Variants in LINGO2 observed in about 807,000 individuals in gnomAD.
LINGO2 encodes leucine rich repeat and Ig domain containing 2.
LINGO2 carries 14 observed loss-of-function variants against 30.6 expected under a neutral mutation model. The ratio of observed to expected loss-of-function variants is 0.46; its 90% CI spans 0.30 to 0.72. The LOEUF (loss-of-function observed/expected upper bound fraction) is 0.72, where lower values mean the gene tolerates loss of function less well. LINGO2 is among the 30% of genes least tolerant of loss of function. LINGO2 has a pLI of 0.07. For missense variants in LINGO2, 729 were observed against 751.7 expected, an observed-to-expected ratio of 0.97 and a Z score of 0.35; for synonymous variants, 317 against 288.5, an observed-to-expected ratio of 1.10 and a Z score of -1.00.
At chr9:29,152,605 A>C in the LINGO2 span, among the ~76,000 whole-genome samples, 1 of 152,150 alleles carries the variant, frequency 6.6e-6, no homozygotes, top group Admixed American at 6.5e-5. Context: ...CACTGAATAC[A>C]CATGGACATA....
At chr9:28,889,638 T>A in the LINGO2 span, among the ~76,000 whole-genome samples, 1 of 152,072 alleles carries the variant, frequency 6.6e-6, no homozygotes, top group Admixed American at 6.6e-5. Context: ...TATTAATAAC[T>A]GGAATCTTTT....
the LINGO2 span, among the ~76,000 whole-genome samples, chr9:28,904,008 C>A: frequency 2.6e-5 from 4 of 151,994 alleles, no homozygotes; most frequent in Admixed American, 2.0e-4. Context: ...AGGAACATTG[C>A]CGATGATCAA....
the LINGO2 span, among the ~76,000 whole-genome samples, chr9:28,820,813 A>G: frequency 3.9e-5 from 6 of 152,190 alleles, no homozygotes; most frequent in Admixed American, 3.3e-4. Context: ...ATATTCAGTG[A>G]AGGCCAATAA....
chr9:28,716,787 G>C, the LINGO2 span, among the ~76,000 whole-genome samples: 1 of 152,066 alleles, frequency 6.6e-6, no homozygotes, highest in South Asian at 2.1e-4. Flanking sequence ...CTAAGTGTTT[G>C]CTATCAAACT....
chr9:28,222,234 T>C (rs1401495195), intron 4 of LINGO2, among the ~76,000 whole-genome samples: 1 of 152,164 alleles, frequency 6.6e-6, no homozygotes, highest in Non-Finnish European at 1.5e-5. Flanking sequence ...ATGTGGCAAA[T>C]GTGAAGAGGC....
chr9:29,146,301 G>A, the LINGO2 span, among the ~76,000 whole-genome samples: 1 of 151,964 alleles, frequency 6.6e-6, no homozygotes, highest in Non-Finnish European at 1.5e-5. Flanking sequence ...GTTGCAGTGA[G>A]TCGAGATCAC....
At chr9:28,193,146 A>AT (rs535947336) in intron 4 of LINGO2, among the ~76,000 whole-genome samples, 11 of 152,194 alleles carry the variant, frequency 7.2e-5, no homozygotes, top group Admixed American at 5.9e-4. Context: ...TGATTTCTGA[A>AT]TTTTTTTATG....
chr9:28,511,924 G>C (rs1820401603), intron 1 of LINGO2, among the ~76,000 whole-genome samples: 1 of 152,116 alleles, frequency 6.6e-6, no homozygotes, highest in Admixed American at 6.5e-5. Context: ...GGTGGTTCCT[G>C]CATATCATGA....
chr9:28,408,339 C>A (rs1171019159), intron 2 of LINGO2, among the ~76,000 whole-genome samples: 5 of 152,122 alleles, frequency 3.3e-5, no homozygotes, highest in Non-Finnish European at 5.9e-5. Flanking sequence ...CCAGAAATAT[C>A]TTGAGTATTA....
intron 4 of LINGO2, among the ~76,000 whole-genome samples, chr9:28,055,966 C>T (rs1824920189): frequency 6.6e-6 from 1 of 152,076 alleles, no homozygotes; most frequent in African/African-American, 2.4e-5. Flanking sequence ...ACAACAGTTA[C>T]TATTGTTACT....
At chr9:28,877,550 T>C in the LINGO2 span, among the ~76,000 whole-genome samples, 2 of 151,916 alleles carry the variant, frequency 1.3e-5, no homozygotes, top group East Asian at 3.8e-4. Flanking sequence ...TTGTCAAAGA[T>C]CAGATAGTTG....
the LINGO2 span, among the ~76,000 whole-genome samples, chr9:28,678,893 T>G: frequency 2.0e-5 from 3 of 152,122 alleles, no homozygotes; most frequent in Non-Finnish European, 2.9e-5. Context: ...ATTTAATTAA[T>G]CAGGTAAATA....
chr9:29,073,157 A>T, the LINGO2 span, among the ~76,000 whole-genome samples: 6 of 152,258 alleles, frequency 3.9e-5, no homozygotes, highest in African/African-American at 1.4e-4. Flanking sequence ...TTAGAAAAGA[A>T]AAAAATATAT....
At chr9:28,821,357 G>C in the LINGO2 span, among the ~76,000 whole-genome samples, 17 of 152,330 alleles carry the variant, frequency 1.1e-4, 1 homozygote, top group East Asian at 3.1e-3. Flanking sequence ...CAAAAGCTGG[G>C]CTGAAAGATT....
rs1402609227 is a variant in LINGO2, at chr9:28,129,608, A to G, written c.-86-117203T>C. ...TTGACCTATCTGCCTGTACGTAAGTAGCTAAAACTCATCAATCACCTGAAC... is the reference window on the plus strand; with the variant it reads ...TTGACCTATCTGCCTGTACGTAAGTGGCTAAAACTCATCAATCACCTGAAC... On this transcript the variant is annotated intron_variant, in intron 4 of 5. Coordinates refer to ENST00000379992, the Ensembl canonical transcript of LINGO2. This position sits in a 1 kb window ranked among gnomAD's most constrained non-coding sequence, Gnocchi z 4.0. 2.0e-5 allele frequency: 3 copies of G among 152,208 alleles called. No homozygotes were observed. The highest frequency in any genetic ancestry group is 6.5e-5 in the Admixed American group (1 of 15,278). The allele number at this position is 152,208 out of a possible 1,614,324, so 9.4% of individuals were successfully genotyped here.
At chr9:29,077,860 T>C in the LINGO2 span, among the ~76,000 whole-genome samples, 1 of 151,730 alleles carries the variant, frequency 6.6e-6, no homozygotes, top group Non-Finnish European at 1.5e-5. Flanking sequence ...ATATAAAGCC[T>C]GGAGAGAAGA....
intron 4 of LINGO2, among the ~76,000 whole-genome samples, chr9:28,143,599 T>C (rs2133507556): frequency 6.6e-6 from 1 of 152,210 alleles, no homozygotes; most frequent in South Asian, 2.1e-4. Context: ...ACCTTTTTAA[T>C]ATGGACTGGA....
chr9:29,015,604 T>C, the LINGO2 span, among the ~76,000 whole-genome samples: 1 of 152,158 alleles, frequency 6.6e-6, no homozygotes, highest in Non-Finnish European at 1.5e-5. Flanking sequence ...TGCTGACCCC[T>C]GGTCTATACA....
chr9:28,124,263 G>A (rs147636531), intron 4 of LINGO2, among the ~76,000 whole-genome samples: 13 of 152,224 alleles, frequency 8.5e-5, no homozygotes, highest in East Asian at 5.8e-4. Context: ...ACCTTATTTC[G>A]TTAAGAAGAA....
Sources: gnomAD v4.1 joint callset for allele counts (sites outside exome capture counted in the v4.1 genomes callset) on GRCh38, gnomAD v4.1.1 for gene constraint, Gnocchi (gnomAD v3.1) non-coding constraint, MANE v1.5 for transcripts, NCBI Gene and HGNC (gene_info 2026-07-23, HGNC 2026-07-21) for gene names.